The following ABLIM1 variants were observed in gnomAD, a reference collection of about 807,000 sequenced individuals.
ABLIM1 encodes the protein actin-binding LIM protein 1.
ABLIM1 carries 40 observed loss-of-function variants against 107.0 expected under a neutral mutation model. The observed-to-expected ratio is 0.37, with a 90% CI of 0.29 to 0.49. ABLIM1 has a LOEUF of 0.49. ABLIM1 is among the 20% of genes least tolerant of loss of function. The probability of loss-of-function intolerance (pLI) is 0.97; values close to 1 mark genes in which losing one functional copy is unlikely to be tolerated. For missense variants in ABLIM1, 857 were observed against 1,008.5 expected (o/e 0.85, Z 2.04); for synonymous variants, 357 against 357.3 (o/e 1.00, Z 0.01).
intron 4 of ABLIM1, among the ~76,000 whole-genome samples, 186 bp from the exon 5 acceptor site, chr10:114,547,962 G>C (rs2067571893): frequency 1.3e-5 from 2 of 152,268 alleles, no homozygotes; most frequent in South Asian, 2.1e-4. Flanking sequence ...CTGCGTCCTC[G>C]GAAGGACACA....
intron 1 of ABLIM1, among the ~76,000 whole-genome samples, chr10:114,754,951 G>T (rs931187720): frequency 6.6e-6 from 1 of 152,036 alleles, no homozygotes; most frequent in Admixed American, 6.6e-5. Context: ...TTCCTGAGTG[G>T]TGACAGCAAA....
the ABLIM1 span, among the ~76,000 whole-genome samples, chr10:114,793,109 G>A: frequency 3.9e-5 from 6 of 152,228 alleles, no homozygotes; most frequent in East Asian, 1.2e-3. Flanking sequence ...CCGAGATCGC[G>A]CCTCTGCCCT....
chr10:114,634,004 G>A, intron 1 of ABLIM1, among the ~76,000 whole-genome samples: 1 of 147,212 alleles, frequency 6.8e-6, no homozygotes, highest in Non-Finnish European at 1.5e-5. Context: ...CCCCACACCA[G>A]CCCCCATTCC....
intron 12 of ABLIM1, among the ~76,000 whole-genome samples, chr10:114,453,713 C>T (rs1284393063): frequency 2.6e-5 from 4 of 152,118 alleles, no homozygotes; most frequent in Non-Finnish European, 5.9e-5. Context: ...AAGCAGCTAG[C>T]GGTCAGGTGC....
chr10:114,583,404 AACACACACACACACACACACACAC>A (rs1164587300), intron 2 of ABLIM1, among the ~76,000 whole-genome samples: 46 of 71,346 alleles, frequency 6.4e-4, no homozygotes, highest in African/African-American at 2.4e-3. Context: ...GAGAAAAGGG[AACACACACACACACACACACACAC>A]ACACACACAC....
At chr10:114,559,922 C>G (rs1255334100) in intron 4 of ABLIM1, among the ~76,000 whole-genome samples, 1 of 152,170 alleles carries the variant, frequency 6.6e-6, no homozygotes, top group Non-Finnish European at 1.5e-5. Flanking sequence ...AGGGAAGGAT[C>G]TAAGAGTGGG....
At chr10:114,505,140 CA>C (rs1214349755) in intron 6 of ABLIM1, among the ~76,000 whole-genome samples, 1 of 152,300 alleles carries the variant, frequency 6.6e-6, no homozygotes, top group African/African-American at 2.4e-5. Context: ...AAAATATTAG[CA>C]TAGTTCCAGG....
intron 6 of ABLIM1, among the ~76,000 whole-genome samples, chr10:114,493,715 A>C (rs1173988283): frequency 1.3e-5 from 1 of 78,300 alleles, no homozygotes; most frequent in East Asian, 3.4e-4. Flanking sequence ...CCTCCAATGC[A>C]AGATCTACAC....
At chr10:114,773,504 T>C in the ABLIM1 span, among the ~76,000 whole-genome samples, 1 of 152,172 alleles carries the variant, frequency 6.6e-6, no homozygotes, top group Non-Finnish European at 1.5e-5. Context: ...GGTGGATCAC[T>C]TGAGGTCAGG....
chr10:114,675,809 A>G (rs2080457478), intron 1 of ABLIM1, among the ~76,000 whole-genome samples: 1 of 152,144 alleles, frequency 6.6e-6, no homozygotes, highest in African/African-American at 2.4e-5. Context: ...GTTCCTTCTG[A>G]GGGCTGTGAG....
At chr10:114,483,638 T>A (rs1424993343) in intron 8 of ABLIM1, among the ~76,000 whole-genome samples, 1 of 152,216 alleles carries the variant, frequency 6.6e-6, no homozygotes, top group Non-Finnish European at 1.5e-5. Flanking sequence ...GGTTCTCTTC[T>A]ACTCTAAGCT....
chr10:114,743,054 T>C (rs1046601156), intron 1 of ABLIM1, among the ~76,000 whole-genome samples: 4 of 152,234 alleles, frequency 2.6e-5, no homozygotes, highest in Admixed American at 2.0e-4. Flanking sequence ...TTGTAATTAT[T>C]ACCATTACTA....
rs1555173409 is a variant in ABLIM1, at chr10:114,557,671, G to GTTTTGTT, written c.674-9896_674-9895insAACAAAA. Among the ~76,000 whole-genome samples the GTTTTGTT allele has an allele frequency of 2.6e-4, 19 of 72,462 alleles. 2 individuals carry two copies. The highest frequency in any genetic ancestry group is 8.2e-4 in the East Asian group (2 of 2,448). The allele number at this position is 72,462 out of a possible 152,430, so 47.5% of individuals were successfully genotyped here. On this transcript the variant is annotated intron_variant, in intron 4 of 22. Coordinates refer to ENST00000533213, the MANE Select transcript of ABLIM1 (RefSeq NM_002313.7). Reference sequence around the variant, plus strand: ...TGACCCAATAGCTCCATAGTGAGGTGTTTTTTTTTTTTTTTTTTTTTTGGA... The same window carrying GTTTTGTT: ...TGACCCAATAGCTCCATAGTGAGGTGTTTTGTTTTTTTTTTTTTTTTTTTTTTTTGGA...
upstream of ABLIM1, among the ~76,000 whole-genome samples, chr10:114,659,344 G>GAAA (rs76428176): frequency 7.7e-6 from 1 of 130,548 alleles, no homozygotes; most frequent in Admixed American, 7.8e-5. Context: ...TGTCTCTACA[G>GAAA]AAAAAAAAAA....
chr10:114,777,857 A>C, the ABLIM1 span: 1 of 152,270 alleles, frequency 6.6e-6, no homozygotes, highest in Admixed American at 6.5e-5. Flanking sequence ...ATGTTAGTTC[A>C]TATGGTGTTC....
At chr10:114,611,901 A>T (rs1012991256) in intron 1 of ABLIM1, among the ~76,000 whole-genome samples, 14 of 152,138 alleles carry the variant, frequency 9.2e-5, no homozygotes, top group African/African-American at 2.7e-4. Flanking sequence ...GACCATGTTC[A>T]ACCATTTGTA....
chr10:114,695,378 A>G (rs2081173808), intron 1 of ABLIM1, among the ~76,000 whole-genome samples: 4 of 152,202 alleles, frequency 2.6e-5, no homozygotes, highest in Admixed American at 6.5e-5. Context: ...CCACTGGAGT[A>G]ACCATTACTA....
chr10:114,706,981 A>T (rs1409463876), intron 1 of ABLIM1, among the ~76,000 whole-genome samples: 6 of 152,222 alleles, frequency 3.9e-5, no homozygotes, highest in African/African-American at 1.4e-4. Context: ...TGTATTGTAG[A>T]CCAGCACTGT....
Position 114,491,781 on chromosome 10 carries a change from T to C in ABLIM1, c.982+10A>G. ...AAGGAAAACTTCTAGTGTTCTTGAGTCCACCTCACCTTGAAGATACATTTC... is the reference window on the plus strand; with the variant it reads ...AAGGAAAACTTCTAGTGTTCTTGAGCCCACCTCACCTTGAAGATACATTTC... On this transcript the variant is annotated intron_variant, in intron 7 of 22. Coordinates refer to ENST00000533213, the MANE Select transcript of ABLIM1 (RefSeq NM_002313.7). The C allele has an allele frequency of 6.2e-7, 1 of 1,605,074 alleles. No individual in the cohort carries two copies. Among genetic ancestry groups the C allele is most frequent in the Non-Finnish European group, 8.5e-7 (1 of 1,172,656 alleles).
Sources: gnomAD v4.1 joint callset for allele counts (sites outside exome capture counted in the v4.1 genomes callset) on GRCh38, gnomAD v4.1.1 for gene constraint, MANE v1.5 for transcripts, NCBI Gene and HGNC (gene_info 2026-07-23, HGNC 2026-07-21) for gene names.